PIBF1: variants seen among roughly 807,000 people sequenced by gnomAD.
PIBF1 encodes progesterone-induced-blocking factor 1.
PIBF1 carries 90 observed loss-of-function variants against 112.5 expected under a neutral mutation model. The observed-to-expected ratio is 0.80, with a 90% CI of 0.67 to 0.95. PIBF1 has a LOEUF of 0.95. Among genes scored for constraint, PIBF1 ranks in the 40% least tolerant of loss-of-function variants. The pLI, the probability that PIBF1 is intolerant of heterozygous loss-of-function variation, is 0.00. For synonymous variants in PIBF1, 301 were observed against 288.6 expected, an observed-to-expected ratio of 1.04 and a Z score of -0.44; for missense variants, 915 against 852.3, an observed-to-expected ratio of 1.07 and a Z score of -0.92.
intron 8 of PIBF1, among the ~76,000 whole-genome samples, chr13:72,832,514 T>C (rs1412352547): frequency 2.0e-5 from 3 of 152,226 alleles, no homozygotes; most frequent in African/African-American, 7.2e-5. Context: ...TTATTTCTCC[T>C]TTGCTTACAA....
intron 6 of PIBF1, among the ~76,000 whole-genome samples, chr13:72,826,608 C>T (rs1444548151): frequency 1.3e-5 from 2 of 151,208 alleles, no homozygotes; most frequent in East Asian, 3.9e-4. Flanking sequence ...ATCTACTATG[C>T]AATCTAAATG....
At chr13:73,002,591 G>T (rs2043906186) in intron 17 of PIBF1, among the ~76,000 whole-genome samples, 1 of 152,036 alleles carries the variant, frequency 6.6e-6, no homozygotes, top group African/African-American at 2.4e-5. Context: ...TTATACTCAG[G>T]ATTCACATCA....
chr13:72,861,430 G>A (rs2038694364), intron 10 of PIBF1, among the ~76,000 whole-genome samples: 1 of 151,990 alleles, frequency 6.6e-6, no homozygotes, highest in Non-Finnish European at 1.5e-5. Context: ...TCCTCATTTT[G>A]TATTAGTACA....
chr13:72,872,081 C>G (rs1594096238), intron 10 of PIBF1, among the ~76,000 whole-genome samples: 2 of 152,236 alleles, frequency 1.3e-5, no homozygotes, highest in East Asian at 3.9e-4. Context: ...TGCATGACTT[C>G]AGGGAAGTTA....
In PIBF1 at chr13:73,015,984, C is replaced by CA. The variant is rs1459992186; in HGVS notation, c.*69dup. The stretch of plus-strand genomic sequence containing the variant: ...CTGAAGTTCTTTTTCTGATGGAAAA[C>CA]AAAATTCAGCTTAATCGTGTACTCA... On this transcript the variant is annotated 3_prime_UTR_variant, in exon 18 of 18. Transcript: ENST00000326291. 6.6e-6 allele frequency: 6 copies of CA among 905,830 alleles called. No homozygotes were observed. Among genetic ancestry groups the CA allele is most frequent in the Non-Finnish European group, 9.8e-6 (6 of 612,432 alleles). The allele number at this position is 905,830 out of a possible 1,614,324, so 56.1% of individuals were successfully genotyped here. A position where few individuals can be genotyped will look rare whatever the true frequency, so the allele number is the denominator to read the frequency against.
chr13:72,830,322 AG>A (rs1216298091), intron 8 of PIBF1, among the ~76,000 whole-genome samples: 5 of 152,046 alleles, frequency 3.3e-5, no homozygotes, highest in Non-Finnish European at 7.4e-5. Flanking sequence ...GTTGAATAGG[AG>A]GGGTGAGAGA....
rs369650806 is a variant in PIBF1, at chr13:73,015,849, C to G, written c.2224-20C>G. On this transcript the variant is annotated intron_variant, in intron 17 of 17. Transcript: ENST00000326291. ...CCTTGTAAGCATTTTATTGGATTTT[C>G]TTTTTCTTTTTTTAAACAGACTAAA... The G allele has an allele frequency of 1.4e-6, 2 of 1,480,778 alleles. No individual in the cohort carries two copies. The highest frequency in any genetic ancestry group is 2.8e-5 in the African/African-American group (2 of 70,972). The allele number at this position is 1,480,778 out of a possible 1,614,324, so 91.7% of individuals were successfully genotyped here. A position where few individuals can be genotyped will look rare whatever the true frequency, so the allele number is the denominator to read the frequency against.
intron 5 of PIBF1, among the ~76,000 whole-genome samples, chr13:72,798,506 G>C (rs958304056): frequency 6.6e-6 from 1 of 152,308 alleles, no homozygotes; most frequent in African/African-American, 2.4e-5. Flanking sequence ...TGACTCGTAG[G>C]TTCTGGTTTG....
intron 17 of PIBF1, among the ~76,000 whole-genome samples, chr13:73,014,287 C>G (rs2044318958): frequency 6.6e-6 from 1 of 152,072 alleles, no homozygotes; most frequent in South Asian, 2.1e-4. Flanking sequence ...CAATCTCTTT[C>G]ATTAGATAGA....
chr13:72,902,223 G>C (rs796676137), intron 11 of PIBF1, among the ~76,000 whole-genome samples: 1 of 152,026 alleles, frequency 6.6e-6, no homozygotes, highest in African/African-American at 2.4e-5. Flanking sequence ...ATGGACTTTG[G>C]GTACTTGGGG....
At chr13:72,815,348 T>C (rs1174993589) in intron 5 of PIBF1, among the ~76,000 whole-genome samples, 2 of 152,212 alleles carry the variant, frequency 1.3e-5, no homozygotes, top group Non-Finnish European at 2.9e-5. Flanking sequence ...GCAATTAGTG[T>C]TGAACACTTA....
intron 11 of PIBF1, chr13:72,901,151 T>C: frequency 2.5e-6 from 1 of 402,366 alleles, no homozygotes; most frequent in Non-Finnish European, 4.9e-6. Context: ...GAGAAAAATC[T>C]TCACAATCTA....
intron 10 of PIBF1, among the ~76,000 whole-genome samples, chr13:72,855,195 A>G (rs535995098): frequency 6.6e-6 from 1 of 152,314 alleles, no homozygotes; most frequent in East Asian, 1.9e-4. Flanking sequence ...GGTATAAGCA[A>G]TACATAAAAC....
At chr13:72,961,652 C>T (rs1301370846) in intron 14 of PIBF1, among the ~76,000 whole-genome samples, 2 of 151,934 alleles carry the variant, frequency 1.3e-5, no homozygotes, top group Admixed American at 6.6e-5. Flanking sequence ...ATAAATACCC[C>T]CTTCCTTACC....
At chr13:72,857,479 C>T (rs1052251786) in intron 10 of PIBF1, among the ~76,000 whole-genome samples, 2 of 152,220 alleles carry the variant, frequency 1.3e-5, no homozygotes, top group African/African-American at 4.8e-5. Flanking sequence ...CAACGTCTGT[C>T]ACAGTCATGT....
At chr13:72,963,879 G>A (rs2138906450) in intron 14 of PIBF1, among the ~76,000 whole-genome samples, 1 of 152,246 alleles carries the variant, frequency 6.6e-6, no homozygotes. Flanking sequence ...ATTTCTTGCT[G>A]GTAGGAATGT....
At chr13:72,853,460 A>G (rs1284891822) in intron 9 of PIBF1, among the ~76,000 whole-genome samples, 2 of 152,162 alleles carry the variant, frequency 1.3e-5, no homozygotes, top group Non-Finnish European at 2.9e-5. Context: ...ACCATTCTCC[A>G]GTCTTCCATC....
chr13:72,798,910 T>G (rs2035329124), intron 5 of PIBF1, among the ~76,000 whole-genome samples: 1 of 152,214 alleles, frequency 6.6e-6, no homozygotes, highest in Admixed American at 6.5e-5. Flanking sequence ...GTGGCTTCTT[T>G]GTGAAGTGCA....
chr13:72,886,437 C>CAGTGTTATAAAAATTTTATA lies in PIBF1; in HGVS notation c.1323-7346_1323-7345insGTGTTATAAAAATTTTATAA, dbSNP rs1566405701. On this transcript the variant is annotated intron_variant, in intron 10 of 17. Coordinates refer to ENST00000326291, the MANE Select transcript of PIBF1 (RefSeq NM_006346.4). ...ACCTAGTGTTATAAAGTTTTTATAA[C>CAGTGTTATAAAAATTTTATA]ACTGTTATAAAAATTTTATAACAGT... Among the ~76,000 whole-genome samples, 336 of 151,686 alleles carry CAGTGTTATAAAAATTTTATA rather than the reference C, an allele frequency of 2.2e-3. 1 individual carries two copies. The highest frequency in any genetic ancestry group is 7.8e-3 in the African/African-American group (324 of 41,380).
Sources: allele counts gnomAD v4.1 joint callset (sites outside exome capture counted in the v4.1 genomes callset), GRCh38; gene constraint gnomAD v4.1.1; transcripts MANE v1.5; gene names NCBI Gene and HGNC (gene_info 2026-07-23, HGNC 2026-07-21).